Variants in EXT1 observed in about 807,000 individuals in gnomAD.
EXT1 encodes exostosin-1.
In EXT1, 20 loss-of-function variants were observed where a neutral mutation model predicts 82.5. The ratio of observed to expected loss-of-function variants is 0.24; its 90% CI spans 0.17 to 0.35. The LOEUF (loss-of-function observed/expected upper bound fraction) is 0.35. Among genes scored for constraint, EXT1 ranks in the 10% least tolerant of loss-of-function variants. The probability of loss-of-function intolerance (pLI) is 1.00; values close to 1 mark genes in which losing one functional copy is unlikely to be tolerated. For missense variants in EXT1, 757 were observed against 936.5 expected (o/e 0.81, Z 2.50); for synonymous variants, 348 against 350.8 (o/e 0.99, Z 0.09).
chr8:117,802,523 C>G (rs906173807), intron 10 of EXT1, among the ~76,000 whole-genome samples: 2 of 152,114 alleles, frequency 1.3e-5, no homozygotes, highest in African/African-American at 4.8e-5. Flanking sequence ...GTATTCAGTA[C>G]AGTGACATGC....
At chr8:117,929,523 G>A (rs1272131284) in intron 1 of EXT1, among the ~76,000 whole-genome samples, 1 of 152,190 alleles carries the variant, frequency 6.6e-6, no homozygotes, top group Non-Finnish European at 1.5e-5. Flanking sequence ...TAATATTTTT[G>A]AATGAATGAA....
intron 1 of EXT1, among the ~76,000 whole-genome samples, chr8:118,029,356 T>G (rs1485571219): frequency 6.6e-6 from 1 of 151,842 alleles, no homozygotes; most frequent in Admixed American, 6.6e-5. Flanking sequence ...AGCCCAGGAG[T>G]TCAAGGCTGC....
chr8:118,092,935 A>G (rs971375278), intron 1 of EXT1, among the ~76,000 whole-genome samples: 14 of 152,232 alleles, frequency 9.2e-5, no homozygotes, highest in Admixed American at 9.2e-4. Flanking sequence ...GCAAACTGAG[A>G]AAGCTCCCAG....
At chr8:117,972,859 C>T (rs1814970468) in intron 1 of EXT1, among the ~76,000 whole-genome samples, 1 of 152,138 alleles carries the variant, frequency 6.6e-6, no homozygotes, top group African/African-American at 2.4e-5. Flanking sequence ...ATCATGATAA[C>T]AGCATGAAGG....
intron 1 of EXT1, among the ~76,000 whole-genome samples, chr8:117,967,352 C>T (rs1032375370): frequency 6.6e-6 from 1 of 152,176 alleles, no homozygotes; most frequent in Admixed American, 6.5e-5. Flanking sequence ...TTTCCAGTAC[C>T]TTTATTATGT....
At chr8:118,098,906 C>T (rs1233487105) in intron 1 of EXT1, among the ~76,000 whole-genome samples, 1 of 152,114 alleles carries the variant, frequency 6.6e-6, no homozygotes, top group Non-Finnish European at 1.5e-5. Context: ...AAATGCTAAC[C>T]GAAAGGAGAC....
intron 5 of EXT1, 111 bp from the exon 6 acceptor site, chr8:117,819,905 G>A: frequency 2.9e-6 from 3 of 1,017,000 alleles, no homozygotes; most frequent in Non-Finnish European, 4.5e-6. Context: ...CCTCCTGGAT[G>A]ATTTCTCCTT....
At chr8:117,959,901 G>A (rs903702501) in intron 1 of EXT1, among the ~76,000 whole-genome samples, 1 of 152,156 alleles carries the variant, frequency 6.6e-6, no homozygotes, top group African/African-American at 2.4e-5. Flanking sequence ...ACGTTATATA[G>A]AACAACAGAT....
intron 1 of EXT1, among the ~76,000 whole-genome samples, chr8:118,048,690 A>C (rs771251498): frequency 1.4e-4 from 21 of 152,326 alleles, no homozygotes; most frequent in Non-Finnish European, 2.4e-4. Context: ...ATGTGTAAAA[A>C]ACTGAAGATT....
chr8:117,910,993 T>C (rs1214975936), intron 1 of EXT1, among the ~76,000 whole-genome samples: 1 of 152,130 alleles, frequency 6.6e-6, no homozygotes, highest in Non-Finnish European at 1.5e-5. Context: ...GTGAAGGGCG[T>C]GAACTCTAGA....
At chr8:118,068,558 A>G (rs1211417868) in intron 1 of EXT1, among the ~76,000 whole-genome samples, 1 of 151,732 alleles carries the variant, frequency 6.6e-6, no homozygotes, top group Non-Finnish European at 1.5e-5. Context: ...TTCAGCTCCC[A>G]CTTGTAAGTG....
At chr8:117,883,853 C>A (rs1813102941) in intron 1 of EXT1, among the ~76,000 whole-genome samples, 1 of 152,180 alleles carries the variant, frequency 6.6e-6, no homozygotes, top group Non-Finnish European at 1.5e-5. Flanking sequence ...CTTGAATGTA[C>A]ATTTTAAAAA....
intron 1 of EXT1, among the ~76,000 whole-genome samples, chr8:118,007,281 A>G (rs886853448): frequency 2.0e-5 from 3 of 152,090 alleles, no homozygotes; most frequent in African/African-American, 7.2e-5. Context: ...TGGGGGACAC[A>G]GCGAGACACC....
chr8:117,879,902 T>G (rs1319299015), intron 1 of EXT1, among the ~76,000 whole-genome samples: 2 of 152,266 alleles, frequency 1.3e-5, no homozygotes, highest in Non-Finnish European at 2.9e-5. Context: ...GTGCTTTGGA[T>G]GAGTCTTTCA....
chr8:118,011,046 T>C (rs887935978), intron 1 of EXT1, among the ~76,000 whole-genome samples: 1 of 152,152 alleles, frequency 6.6e-6, no homozygotes, highest in African/African-American at 2.4e-5. Context: ...GAAAACCTGT[T>C]TGCAATGTGG....
rs532084597 is a variant in EXT1, at chr8:117,904,333, T to C, written c.963-67132A>G. Among the ~76,000 whole-genome samples, 7 of 152,344 alleles carry C rather than the reference T, an allele frequency of 4.6e-5. No individual in the cohort carries two copies. In the South Asian group the frequency reaches 1.2e-3, roughly 27 times the overall value. On this transcript the variant is annotated intron_variant, in intron 1 of 10. Coordinates refer to ENST00000378204, the MANE Select transcript of EXT1 (RefSeq NM_000127.3). ...TTTTATTTTTAAGCATGCAAACTTA[T>C]GTTTAACAAAGAATGAAGGTAAACG...
chr8:118,079,667 AC>A (rs1203169667), intron 1 of EXT1, among the ~76,000 whole-genome samples: 3 of 55,738 alleles, frequency 5.4e-5, no homozygotes, highest in Non-Finnish European at 1.1e-4. Flanking sequence ...CCCCACCCCC[AC>A]CCCACCCACT....
chr8:118,046,187 G>A (rs958940064), intron 1 of EXT1, among the ~76,000 whole-genome samples: 2 of 151,796 alleles, frequency 1.3e-5, no homozygotes. Flanking sequence ...TCCAGGACTG[G>A]GTCTAGTTTC....
At chr8:118,050,576 A>G (rs1816701539) in intron 1 of EXT1, among the ~76,000 whole-genome samples, 1 of 152,232 alleles carries the variant, frequency 6.6e-6, no homozygotes, top group South Asian at 2.1e-4. Context: ...CTCTCTTGCA[A>G]GTACTCAATT....
Sources: allele counts gnomAD v4.1 joint callset (sites outside exome capture counted in the v4.1 genomes callset), GRCh38; gene constraint gnomAD v4.1.1; transcripts MANE v1.5; gene names NCBI Gene and HGNC (gene_info 2026-07-23, HGNC 2026-07-21).